ANXA6: variants seen among roughly 807,000 people sequenced by gnomAD.
ANXA6 encodes the protein 67 kDa calelectrin.
In ANXA6, 71 loss-of-function variants were observed where a neutral mutation model predicts 95.4. The ratio of observed to expected loss-of-function variants is 0.74; its 90% CI spans 0.61 to 0.91. The LOEUF is 0.91. Among genes scored for constraint, ANXA6 ranks in the 40% least tolerant of loss-of-function variants. The pLI is 0.00. For synonymous variants in ANXA6, 289 were observed against 315.9 expected (o/e 0.91, Z 0.90); for missense variants, 830 against 876.4 (o/e 0.95, Z 0.67).
chr5:151,108,162 GGT>G (rs955266625), intron 23 of ANXA6, among the ~76,000 whole-genome samples: 12 of 151,722 alleles, frequency 7.9e-5, no homozygotes, highest in African/African-American at 2.2e-4. Context: ...GTGTGTGTGT[GGT>G]GTGTGTGTGT....
At chr5:151,107,326 A>G (rs1764720846) in intron 23 of ANXA6, among the ~76,000 whole-genome samples, 1 of 152,246 alleles carries the variant, frequency 6.6e-6, no homozygotes, top group Non-Finnish European at 1.5e-5. Context: ...TCTCCACTTT[A>G]CAAAGGAGGA....
At position 151,101,330 on chromosome 5, in the gene ANXA6, ACCCCT is replaced by A; in HGVS notation, c.*113_*117del. The stretch of plus-strand genomic sequence containing the variant: ...CCACTGAAGATAAGAGCCCAACCCA[ACCCCT>A]CCCCCCACCCCTGCCCCTTCCTTAG... On this transcript the variant is annotated 3_prime_UTR_variant, in exon 26 of 26. Transcript: ENST00000354546. The A allele has an allele frequency of 5.2e-6, 2 of 385,870 alleles. No individual in the cohort carries two copies. Among genetic ancestry groups the A allele is most frequent in the Admixed American group, 3.6e-5 (1 of 27,982 alleles). The allele number at this position is 385,870 out of a possible 1,614,324, so 23.9% of individuals were successfully genotyped here. A position where few individuals can be genotyped will look rare whatever the true frequency, so the allele number is the denominator to read the frequency against.
intron 18 of ANXA6, 93 bp from the exon 19 acceptor site, chr5:151,117,930 C>A: frequency 9.9e-7 from 1 of 1,006,204 alleles, no homozygotes; most frequent in East Asian, 2.6e-5. Flanking sequence ...TGAGCCAGGG[C>A]AGTATTGGCA....
rs550813540 is a variant in ANXA6 at position 151,134,534 on chromosome 5, G to A, written c.490-51C>T. 2.5e-6 allele frequency: 4 copies of A among 1,598,246 alleles called. No homozygotes were observed. The Admixed American group carries it at 5.0e-5, about 20-fold the overall frequency. ...GTTTCAAACACTGCAAAGTCAGGAGGGAGGCCTGGATGCCAGTGGTGGAGA... is the reference window on the plus strand; with the variant it reads ...GTTTCAAACACTGCAAAGTCAGGAGAGAGGCCTGGATGCCAGTGGTGGAGA... On this transcript the variant is annotated intron_variant, in intron 7 of 25. Coordinates refer to ENST00000354546, the MANE Select transcript of ANXA6 (RefSeq NM_001155.5).
At chr5:151,101,528 A>G (rs1201423681) in intron 25 of ANXA6, 21 bp from the exon 26 acceptor site, 1 of 1,554,706 alleles carries the variant, frequency 6.4e-7, no homozygotes, top group Non-Finnish European at 8.7e-7. Context: ...CAGAGAGCAG[A>G]GTGAGTGAAA....
At chr5:151,107,076 T>C (rs1218783202) in intron 23 of ANXA6, among the ~76,000 whole-genome samples, 1 of 152,202 alleles carries the variant, frequency 6.6e-6, no homozygotes, top group East Asian at 1.9e-4. Flanking sequence ...GCTATAAGCC[T>C]CTCTGAACTC....
rs540689076 is a variant in ANXA6, at chr5:151,147,909, G to A, written c.-8C>T. On this transcript the variant is annotated 5_prime_UTR_variant, in exon 2 of 26. Transcript: ENST00000354546. ...CTGTGCTGGTTTGGCCATGGTCTCC[G>A]GTTCGCAGCAGAATCCACTGTAGAG... 16 of 1,605,000 alleles carry A rather than the reference G, an allele frequency of 1.0e-5. No individual in the cohort carries two copies. The highest frequency in any genetic ancestry group is 4.0e-5 in the African/African-American group (3 of 74,836).
intron 20 of ANXA6, among the ~76,000 whole-genome samples, chr5:151,112,050 C>T (rs1008488289): frequency 1.8e-4 from 27 of 152,142 alleles, no homozygotes; most frequent in African/African-American, 6.3e-4. Context: ...CCCGCCTCAG[C>T]CTCCCAAAGT....
At chr5:151,124,481 T>A (rs530065510) in intron 14 of ANXA6, 114 bp from the exon 15 acceptor site, 1 of 962,980 alleles carries the variant, frequency 1.0e-6, no homozygotes, top group African/African-American at 1.6e-5. Flanking sequence ...CCAAGCGGCG[T>A]GGGTGGGGAA....
intron 1 of ANXA6, among the ~76,000 whole-genome samples, chr5:151,151,985 T>A (rs916307599): frequency 6.6e-5 from 10 of 152,226 alleles, no homozygotes; most frequent in African/African-American, 2.4e-4. Flanking sequence ...CCTTGCCTCA[T>A]CCTTTTGCCT....
intron 10 of ANXA6, 89 bp downstream of exon 10, chr5:151,132,387 T>C: frequency 2.0e-6 from 2 of 996,298 alleles, no homozygotes; most frequent in South Asian, 3.1e-5. Context: ...CTATACCATG[T>C]AATTCCCCTT....
chr5:151,148,468 G>T (rs1766024816), intron 1 of ANXA6, among the ~76,000 whole-genome samples: 2 of 152,192 alleles, frequency 1.3e-5, no homozygotes, highest in Admixed American at 1.3e-4. Flanking sequence ...GACTCAAAGT[G>T]CTTCCAACCA....
rs530770469 is a variant in ANXA6 at position 151,146,993 on chromosome 5, G to A, written c.18+891C>T. ...CTGCCATATTGTCCAGGCTGGTGTC[G>A]AAATCCTGCGCTCAAGTGATCTGCT... On this transcript the variant is annotated intron_variant, in intron 2 of 25. Coordinates refer to ENST00000354546, the MANE Select transcript of ANXA6 (RefSeq NM_001155.5). 3.7e-4 allele frequency among the ~76,000 whole-genome samples: 57 copies of A among 152,192 alleles called. No homozygotes were observed. In the East Asian group the frequency reaches 4.1e-3, roughly 11 times the overall value.
chr5:151,139,563 C>T, intron 3 of ANXA6, 116 bp from the exon 4 acceptor site: 1 of 718,810 alleles, frequency 1.4e-6, no homozygotes, highest in Middle Eastern at 2.4e-4. Context: ...CAGCATGAGC[C>T]TTCCACTCAT....
At chr5:151,151,893 G>A (rs755761502) in intron 1 of ANXA6, among the ~76,000 whole-genome samples, 2 of 152,344 alleles carry the variant, frequency 1.3e-5, no homozygotes, top group Middle Eastern at 3.4e-3. Flanking sequence ...ATACTGTGAC[G>A]ACTTATCATG....
At position 151,108,577 on chromosome 5, in the gene ANXA6, G is replaced by T. The variant is rs372412229; in HGVS notation, c.1685-27C>A. On this transcript the variant is annotated intron_variant, in intron 22 of 25. Transcript: ENST00000354546. ...TGGCCACAAGAGAAGCCCCAGAGGT[G>T]GGGGTGAGCTTCAGTGCAGGAGGCG... 160 of 1,603,986 alleles carry T rather than the reference G, an allele frequency of 1.0e-4. 1 individual carries two copies. In the Middle Eastern group the frequency reaches 1.5e-3, roughly 15 times the overall value.
chr5:151,126,446 C>G lies in ANXA6; in HGVS notation c.1012G>C (p.Val338Leu). Residue 338 changes from valine (V) to leucine (L), a missense_variant, in exon 14 of 26, where the codon GTG becomes CTG. Coordinates refer to ENST00000354546, the MANE Select transcript of ANXA6 (RefSeq NM_001155.5). ...AGQFFPEAAQ[V>L]AYQMWELSAV... ...CTAAGTTCCCACATCTGATAGGCCA[C>G]CTGCGCTGCCTCCGGGAAGAACTGG... is the stretch of plus-strand genomic sequence containing the variant. 6.2e-7 allele frequency: 1 copy of G among 1,610,990 alleles called. No homozygotes were observed. The highest frequency in any genetic ancestry group is 8.5e-7 in the Non-Finnish European group (1 of 1,178,672).
At chr5:151,146,707 C>A (rs1004675659) in intron 2 of ANXA6, among the ~76,000 whole-genome samples, 2 of 152,220 alleles carry the variant, frequency 1.3e-5, no homozygotes, top group Non-Finnish European at 2.9e-5. Context: ...CTTCTCCCTG[C>A]CAATCCCATC....
At chr5:151,132,921 C>A (rs1010316928) in intron 9 of ANXA6, among the ~76,000 whole-genome samples, 173 bp downstream of exon 9, 3 of 150,494 alleles carry the variant, frequency 2.0e-5, no homozygotes. Flanking sequence ...CCTTTAAAAA[C>A]GGCAAAAACC....
Sources: allele counts gnomAD v4.1 joint callset (sites outside exome capture counted in the v4.1 genomes callset), GRCh38; gene constraint gnomAD v4.1.1; transcripts MANE v1.5; gene names NCBI Gene and HGNC (gene_info 2026-07-23, HGNC 2026-07-21).